Variants in AZIN2 observed in about 807,000 individuals in gnomAD.
AZIN2 encodes antizyme inhibitor 2.
A neutral mutation model predicts 47.8 loss-of-function variants in AZIN2; 28 were observed. The observed-to-expected ratio is 0.59, with a 90% CI of 0.43 to 0.80. The LOEUF (loss-of-function observed/expected upper bound fraction) is 0.80, where lower values mean the gene tolerates loss of function less well. Among genes scored for constraint, AZIN2 ranks in the 30% least tolerant of loss-of-function variants. The probability of loss-of-function intolerance (pLI) is 0.00; values close to 1 mark genes in which losing one functional copy is unlikely to be tolerated. For synonymous variants in AZIN2, 221 were observed against 239.4 expected, an observed-to-expected ratio of 0.92 and a Z score of 0.71; for missense variants, 535 against 582.5, an observed-to-expected ratio of 0.92 and a Z score of 0.84.
At chr1:33,147,194 T>A in the AZIN2 span, 1 of 1,613,626 alleles carries the variant, frequency 6.2e-7, no homozygotes, top group Non-Finnish European at 8.5e-7. The surrounding 1 kb of genome is among the most constrained non-coding windows in gnomAD (Gnocchi z 8.1). Flanking sequence ...CGGACGGTGT[T>A]GATCCGCAGC....
Position 33,121,209 on chromosome 1 carries a change from T to C in AZIN2, c.*1027T>C, listed in dbSNP as rs1199529852. ...AGTGGCTGCAGGGGACTCTAAATATTTTTCTGCTGCAATTAAAAGATTTGA... is the reference window on the plus strand; with the variant it reads ...AGTGGCTGCAGGGGACTCTAAATATCTTTCTGCTGCAATTAAAAGATTTGA... On this transcript the variant is annotated 3_prime_UTR_variant, in exon 12 of 12. Coordinates refer to ENST00000294517, the MANE Select transcript of AZIN2 (RefSeq NM_052998.4). 2.0e-5 allele frequency among the ~76,000 whole-genome samples: 3 copies of C among 152,190 alleles called. No homozygotes were observed. The highest frequency in any genetic ancestry group is 2.0e-4 in the Admixed American group (3 of 15,286).
At chr1:33,133,515 C>T in the AZIN2 span, among the ~76,000 whole-genome samples, 2 of 152,192 alleles carry the variant, frequency 1.3e-5, no homozygotes, top group East Asian at 1.9e-4. Flanking sequence ...ACCGGCGGCA[C>T]GTTTTCCATT....
intron 8 of AZIN2, among the ~76,000 whole-genome samples, chr1:33,095,374 G>A (rs974224819): frequency 6.6e-6 from 1 of 152,098 alleles, no homozygotes; most frequent in Non-Finnish European, 1.5e-5. Flanking sequence ...TTAAATTATG[G>A]TACATCCTTT....
At chr1:33,116,591 T>C (rs920867367) in intron 10 of AZIN2, among the ~76,000 whole-genome samples, 1 of 152,178 alleles carries the variant, frequency 6.6e-6, no homozygotes, top group Non-Finnish European at 1.5e-5. Flanking sequence ...CTGCTAGGCA[T>C]TGAGGAGATG....
intron 5 of AZIN2, among the ~76,000 whole-genome samples, chr1:33,085,469 G>A (rs1230844770): frequency 1.3e-5 from 2 of 152,058 alleles, no homozygotes; most frequent in Non-Finnish European, 2.9e-5. Flanking sequence ...CAGGTGCAAA[G>A]GCCCTGAGGT....
chr1:33,114,555 G>A (rs192250386), intron 10 of AZIN2, among the ~76,000 whole-genome samples: 19 of 150,778 alleles, frequency 1.3e-4, no homozygotes, highest in African/African-American at 4.1e-4. Context: ...GGGTTTCACC[G>A]TGTTAGCCAG....
intron 10 of AZIN2, among the ~76,000 whole-genome samples, chr1:33,105,681 C>T (rs946230953): frequency 6.6e-6 from 1 of 152,170 alleles, no homozygotes; most frequent in African/African-American, 2.4e-5. Context: ...GCCCCTCCCT[C>T]AATATCTGGG....
chr1:33,089,106 G>A (rs918575416), intron 5 of AZIN2, among the ~76,000 whole-genome samples: 1 of 152,218 alleles, frequency 6.6e-6, no homozygotes, highest in African/African-American at 2.4e-5. Flanking sequence ...AAGAGCTGGT[G>A]TGCTAAGGTC....
At chr1:33,082,463 C>T in intron 4 of AZIN2, 109 bp downstream of exon 4, 1 of 737,280 alleles carries the variant, frequency 1.4e-6, no homozygotes, top group Non-Finnish European at 2.2e-6. Flanking sequence ...ATTTGGTACG[C>T]AATCCTTGCT....
chr1:33,118,178 T>A, intron 11 of AZIN2, 62 bp downstream of exon 11: 7 of 1,448,294 alleles, frequency 4.8e-6, no homozygotes, highest in Non-Finnish European at 6.4e-6. Flanking sequence ...CGAGGGAAAC[T>A]TGAGATTTGA....
the AZIN2 span, among the ~76,000 whole-genome samples, chr1:33,151,289 G>A: frequency 3.3e-5 from 5 of 152,190 alleles, no homozygotes; most frequent in South Asian, 2.1e-4. Context: ...TCACTGGGCC[G>A]GCCTAGGGGC....
chr1:33,083,853 C>A, intron 4 of AZIN2, 101 bp from the exon 5 acceptor site: 2 of 1,416,350 alleles, frequency 1.4e-6, no homozygotes, highest in South Asian at 1.2e-5. Flanking sequence ...AGCTCTGTGG[C>A]CAGTACTGAA....
At position 33,081,990 on chromosome 1, in the gene AZIN2, T is replaced by G; in HGVS notation, c.-73+178T>G. On this transcript the variant is annotated intron_variant, in intron 3 of 11. Transcript: ENST00000294517. The surrounding 1 kb of genome is among the most constrained non-coding windows in gnomAD (Gnocchi z 4.2). The stretch of plus-strand genomic sequence containing the variant: ...CAACTGACTCGGAGAGGCAGTGACA[T>G]TTGGGCATACGGTGCCTTGTCTCCG... The G allele has an allele frequency of 2.0e-6, 1 of 493,506 alleles. No homozygotes were observed. Among genetic ancestry groups the G allele is most frequent in the Non-Finnish European group, 3.7e-6 (1 of 269,542 alleles). The allele number at this position is 493,506 out of a possible 1,614,324, so 30.6% of individuals were successfully genotyped here.
rs547945503 is a variant in AZIN2 at position 33,094,782 on chromosome 1, G to A, written c.753+69G>A. On this transcript the variant is annotated intron_variant, in intron 8 of 11. Coordinates refer to ENST00000294517, the MANE Select transcript of AZIN2 (RefSeq NM_052998.4). ...GAGGATAGGGAGGGATTAGATGATC[G>A]GAGGGAGACCACCGTGCGTGGGTCC... 2.0e-5 allele frequency: 31 copies of A among 1,561,162 alleles called. No homozygotes were observed. In the East Asian group the frequency reaches 4.1e-4, roughly 20 times the overall value.
chr1:33,143,006 G>C, the AZIN2 span: 2 of 152,188 alleles, frequency 1.3e-5, no homozygotes, highest in Non-Finnish European at 2.9e-5. Context: ...TGGGGTTACT[G>C]CCATTCTATC....
At chr1:33,159,867 C>T in the AZIN2 span, 1 of 1,612,824 alleles carries the variant, frequency 6.2e-7, no homozygotes, top group Non-Finnish European at 8.5e-7. The surrounding 1 kb of genome is among the most constrained non-coding windows in gnomAD (Gnocchi z 4.2). Context: ...CTAGCATGGC[C>T]TTCTGGCGTT....
At chr1:33,165,751 C>T in the AZIN2 span, 103 of 434,748 alleles carry the variant, frequency 2.4e-4, no homozygotes, top group Non-Finnish European at 9.3e-5. This position sits in a 1 kb window ranked among gnomAD's most constrained non-coding sequence, Gnocchi z 4.0. Flanking sequence ...CTCCAGAACC[C>T]GTCCGTATCT....
rs1361620345 is a variant in AZIN2, at chr1:33,098,076, G to C, written c.926G>C (p.Gly309Ala). 1 of 1,612,818 alleles carries C rather than the reference G, an allele frequency of 6.2e-7. No individual in the cohort carries two copies. The highest frequency in any genetic ancestry group is 1.7e-5 in the Admixed American group (1 of 60,002). ...LDQPGREEEN[G>A]STSKTIVYHL... Reference sequence around the variant, plus strand: ...CCCTCCCCTCCTGCAGAGGAAAATGGTTCCACCTCCAAGACCATCGTGTAC... The same window carrying C: ...CCCTCCCCTCCTGCAGAGGAAAATGCTTCCACCTCCAAGACCATCGTGTAC... Residue 309 changes from glycine to alanine, a missense_variant, in exon 10 of 12, where the codon GGT becomes GCT. Physicochemically the swap from Gly to Ala is moderately conservative, Grantham distance 60. Coordinates refer to ENST00000294517, the MANE Select transcript of AZIN2 (RefSeq NM_052998.4).
chr1:33,115,968 T>C (rs1220595714), intron 10 of AZIN2, among the ~76,000 whole-genome samples: 4 of 152,202 alleles, frequency 2.6e-5, no homozygotes, highest in African/African-American at 9.6e-5. Context: ...TGTTTTTCAA[T>C]GAGTGGGGCT....
Sources: gnomAD v4.1 joint callset for allele counts (sites outside exome capture counted in the v4.1 genomes callset) on GRCh38, gnomAD v4.1.1 for gene constraint, Gnocchi (gnomAD v3.1) non-coding constraint, MANE v1.5 for transcripts, NCBI Gene and HGNC (gene_info 2026-07-23, HGNC 2026-07-21) for gene names.